CEPT1: variants seen among roughly 807,000 people sequenced by gnomAD.
CEPT1 encodes choline/ethanolamine phosphotransferase 1.
A neutral mutation model predicts 42.6 loss-of-function variants in CEPT1; 7 were observed. That is an observed-to-expected ratio of 0.16 (90% CI 0.09 to 0.31). The LOEUF (loss-of-function observed/expected upper bound fraction) is 0.31, where lower values mean the gene tolerates loss of function less well. CEPT1 is among the 10% of genes least tolerant of loss of function. CEPT1 has a pLI of 1.00. For synonymous variants in CEPT1, 171 were observed against 171.9 expected (o/e 0.99, Z 0.04); for missense variants, 306 against 502.1 (o/e 0.61, Z 3.73).
At chr1:111,166,897 T>G (rs1333542055) in intron 4 of CEPT1, among the ~76,000 whole-genome samples, 2 of 152,208 alleles carry the variant, frequency 1.3e-5, no homozygotes, top group Non-Finnish European at 2.9e-5. Flanking sequence ...AGTTTTAATT[T>G]TTTTAACTTC....
intron 5 of CEPT1, among the ~76,000 whole-genome samples, chr1:111,175,185 A>G (rs1189302019): frequency 6.6e-6 from 1 of 152,158 alleles, no homozygotes; most frequent in East Asian, 1.9e-4. Flanking sequence ...GCCATTGAGA[A>G]TCTGAATTAG....
At position 111,141,241 on chromosome 1, in the gene CEPT1, G is replaced by A. The variant is rs564420621; in HGVS notation, c.-74+934G>A. ...GTTGAACGACTTATAACACAAGTTA[G>A]ACTTTGGTAAGGGCATTTAGAGCAT... On this transcript the variant is annotated intron_variant, in intron 1 of 8. Coordinates refer to ENST00000357172, the MANE Select transcript of CEPT1 (RefSeq NM_006090.5). Among the ~76,000 whole-genome samples the A allele has an allele frequency of 3.3e-5, 5 of 152,322 alleles. No homozygotes were observed. In the East Asian group the frequency reaches 9.6e-4, roughly 29 times the overall value.
chr1:111,149,213 T>C (rs1655132952), intron 2 of CEPT1, among the ~76,000 whole-genome samples: 2 of 151,798 alleles, frequency 1.3e-5, no homozygotes, highest in African/African-American at 2.4e-5. Context: ...CCTCTTCTAC[T>C]ATTGCAAATA....
At position 111,151,156 on chromosome 1, in the gene CEPT1, C is replaced by T. The variant is rs372752320; in HGVS notation, c.339+3103C>T. Among the ~76,000 whole-genome samples the T allele has an allele frequency of 2.9e-4, 42 of 145,496 alleles. 1 individual carries two copies. In the East Asian group the frequency reaches 6.1e-3, roughly 21 times the overall value. ...TTTTTTTTTTTTTGAGACGGAGTCT[C>T]GCTCTGTTGCCAGGCTGGAGTGCAG... On this transcript the variant is annotated intron_variant, in intron 2 of 8. Transcript: ENST00000357172.
In CEPT1 at chr1:111,184,976, T is replaced by C. The variant is rs965390331; in HGVS notation, c.*666T>C. On this transcript the variant is annotated 3_prime_UTR_variant, in exon 9 of 9. Transcript: ENST00000357172. ...CATTTTATTTTTTTAAATAAATATA[T>C]GATCTAAAAGCCAACTTTTTCTCAG... The C allele has an allele frequency of 1.3e-5, 2 of 152,290 alleles. No homozygotes were observed. The highest frequency in any genetic ancestry group is 2.9e-5 in the Non-Finnish European group (2 of 67,990). 9.4% of individuals were successfully genotyped at this position (152,290 alleles called of 1,614,324 possible). A position where few individuals can be genotyped will look rare whatever the true frequency, so the allele number is the denominator to read the frequency against.
At chr1:111,182,983 G>A (rs746240964) in intron 7 of CEPT1, 26 bp downstream of exon 7, 6 of 1,598,284 alleles carry the variant, frequency 3.8e-6, no homozygotes, top group Non-Finnish European at 5.1e-6. Flanking sequence ...TTTATTTGCT[G>A]TGTTTTTCAC....
chr1:111,141,253 G>A (rs1207058035), intron 1 of CEPT1, among the ~76,000 whole-genome samples: 2 of 152,118 alleles, frequency 1.3e-5, no homozygotes, highest in East Asian at 3.8e-4. Context: ...CTTTGGTAAG[G>A]GCATTTAGAG....
intron 4 of CEPT1, chr1:111,167,467 A>G (rs546848383): frequency 3.3e-5 from 28 of 858,016 alleles, no homozygotes; most frequent in South Asian, 2.1e-4. Context: ...TATTCTATGT[A>G]CTATTTTTTA....
chr1:111,160,945 T>C, intron 3 of CEPT1: 3 of 562,346 alleles, frequency 5.3e-6, no homozygotes, highest in Non-Finnish European at 9.2e-6. Context: ...TTCCACTAAG[T>C]GATTTGGTAA....
chr1:111,180,241 G>A (rs908318124), intron 5 of CEPT1: 3 of 152,136 alleles, frequency 2.0e-5, no homozygotes, highest in Admixed American at 6.5e-5. Context: ...GGAATCTGAG[G>A]GAAGTATAGT....
intron 4 of CEPT1, 98 bp downstream of exon 4, chr1:111,161,394 G>T: frequency 8.5e-7 from 1 of 1,178,110 alleles, no homozygotes; most frequent in Non-Finnish European, 1.2e-6. Context: ...AAATCACTAA[G>T]TTAGTTTAAT....
chr1:111,164,378 GAC>G (rs1223650139), intron 4 of CEPT1, among the ~76,000 whole-genome samples: 8 of 152,306 alleles, frequency 5.3e-5, no homozygotes, highest in African/African-American at 1.9e-4. Context: ...GTAGAGATCT[GAC>G]AGAGATGACT....
At chr1:111,175,422 C>T (rs529589553) in intron 5 of CEPT1, among the ~76,000 whole-genome samples, 60 of 152,260 alleles carry the variant, frequency 3.9e-4, no homozygotes, top group African/African-American at 1.2e-3. Flanking sequence ...ATTGTTTGAA[C>T]GAGCTTGGAC....
In CEPT1 at chr1:111,184,314, T is replaced by A; in HGVS notation, c.*4T>A. ...AGCTCATTCTAATCATCATTAATGA[T>A]GTAATTGGTATATAGGAACATCATG... On this transcript the variant is annotated 3_prime_UTR_variant, in exon 9 of 9. Coordinates refer to ENST00000357172, the MANE Select transcript of CEPT1 (RefSeq NM_006090.5). 2 of 1,609,536 alleles carry A rather than the reference T, an allele frequency of 1.2e-6. No individual in the cohort carries two copies. The highest frequency in any genetic ancestry group is 1.7e-6 in the Non-Finnish European group (2 of 1,177,060).
intron 2 of CEPT1, among the ~76,000 whole-genome samples, chr1:111,158,911 T>TCCAACCTGCAGGTAAAAATA (rs1557929422): frequency 4.2e-5 from 5 of 119,750 alleles, no homozygotes; most frequent in African/African-American, 1.8e-4. Flanking sequence ...TCTTTTTTTT[T>TCCAACCTGCAGGTAAAAATA]TTTTTTTTTT....
At chr1:111,182,985 GT>G in intron 7 of CEPT1, 28 bp downstream of exon 7, 2 of 1,594,088 alleles carry the variant, frequency 1.3e-6, no homozygotes, top group South Asian at 1.1e-5. Flanking sequence ...TATTTGCTGT[GT>G]TTTTCACTTT....
chr1:111,168,987 A>G (rs777363497), intron 4 of CEPT1, among the ~76,000 whole-genome samples: 4 of 152,196 alleles, frequency 2.6e-5, no homozygotes, highest in Non-Finnish European at 4.4e-5. Flanking sequence ...CATAGAACCT[A>G]TACACAGCCT....
At chr1:111,160,892 C>G (rs1221889308) in intron 3 of CEPT1, 1 of 463,534 alleles carries the variant, frequency 2.2e-6, no homozygotes, top group Non-Finnish European at 3.8e-6. Context: ...GGAAAATACT[C>G]GAAGAAATGT....
At chr1:111,156,435 C>T (rs1311976135) in intron 2 of CEPT1, among the ~76,000 whole-genome samples, 9 of 152,282 alleles carry the variant, frequency 5.9e-5, no homozygotes, top group Middle Eastern at 3.4e-3. Context: ...GTCTGTAGTG[C>T]ACTCTAAGTT....
Sources: allele counts gnomAD v4.1 joint callset (sites outside exome capture counted in the v4.1 genomes callset), GRCh38; gene constraint gnomAD v4.1.1; transcripts MANE v1.5; gene names NCBI Gene and HGNC (gene_info 2026-07-23, HGNC 2026-07-21).